The following NTRK3 variants were observed in gnomAD, a reference collection of about 807,000 sequenced individuals.
NTRK3 encodes neurotrophic receptor tyrosine kinase 3.
Under a neutral mutation model 91.7 loss-of-function variants are expected in NTRK3, and 24 were observed. The ratio of observed to expected loss-of-function variants is 0.26; its 90% confidence interval spans 0.19 to 0.37. The LOEUF is 0.37. NTRK3 is among the 10% of genes least tolerant of loss of function. NTRK3 has a pLI of 1.00. For missense variants in NTRK3, 880 were observed against 1,068.9 expected, an observed-to-expected ratio of 0.82 and a Z score of 2.46; for synonymous variants, 483 against 404.0, an observed-to-expected ratio of 1.20 and a Z score of -2.34.
At chr15:87,977,911 C>T (rs1181686433) in intron 14 of NTRK3, 1 of 232,594 alleles carries the variant, frequency 4.3e-6, no homozygotes, top group African/African-American at 2.2e-5. Flanking sequence ...AAGGCATAGA[C>T]TCTATTCTCT....
chr15:88,046,230 C>G (rs181569391), intron 13 of NTRK3, among the ~76,000 whole-genome samples: 41 of 152,236 alleles, frequency 2.7e-4, no homozygotes, highest in African/African-American at 9.6e-4. Flanking sequence ...GCAATATGTA[C>G]CCTCTAGAAT....
chr15:88,221,545 A>G (rs2050236045), intron 3 of NTRK3, among the ~76,000 whole-genome samples: 1 of 152,148 alleles, frequency 6.6e-6, no homozygotes, highest in Non-Finnish European at 1.5e-5. Context: ...TAATCCCAAC[A>G]CCTGGGAGGC....
intron 13 of NTRK3, among the ~76,000 whole-genome samples, chr15:88,122,040 T>C (rs1417549927): frequency 2.0e-5 from 3 of 152,126 alleles, no homozygotes; most frequent in African/African-American, 7.2e-5. Flanking sequence ...TGGGCACCCA[T>C]TGGAATTCCT....
At chr15:88,125,468 T>G (rs780841948) in intron 13 of NTRK3, among the ~76,000 whole-genome samples, 8 of 152,042 alleles carry the variant, frequency 5.3e-5, no homozygotes, top group Admixed American at 4.6e-4. Context: ...CCTCGTATCA[T>G]GCCTCCCTAC....
chr15:87,882,429 C>T (rs577912756), intron 17 of NTRK3, among the ~76,000 whole-genome samples: 1 of 152,000 alleles, frequency 6.6e-6, no homozygotes, highest in East Asian at 1.9e-4. Flanking sequence ...AAATAAGCCA[C>T]AAAAATGCAA....
chr15:88,025,845 C>T lies in NTRK3; in HGVS notation c.1585+7012G>A, dbSNP rs139052733. Among the ~76,000 whole-genome samples the T allele has an allele frequency of 2.2e-4, 33 of 152,320 alleles. 1 individual carries two copies. The East Asian group carries it at 6.2e-3, about 28-fold the overall frequency. ...TGTAATACAGCCATACAATGAAGTA[C>T]TGCTCAGTGATAAAAATAAATGAGA... On this transcript the variant is annotated intron_variant, in intron 14 of 18. Coordinates refer to ENST00000394480, the Ensembl canonical transcript of NTRK3.
chr15:87,912,931 AATATATATATATATATATAT>A (rs58367924), intron 17 of NTRK3, among the ~76,000 whole-genome samples: 14 of 36,496 alleles, frequency 3.8e-4, no homozygotes, highest in African/African-American at 1.2e-3. Context: ...AGTAAAAAAA[AATATATATATATATATATAT>A]ATATATATAT....
rs1465996292 is a variant in NTRK3 at position 88,241,698 on chromosome 15, G to T, written c.248+14208C>A. 6.6e-6 allele frequency among the ~76,000 whole-genome samples: 1 copy of T among 152,106 alleles called. No homozygotes were observed. The highest frequency in any genetic ancestry group is 2.4e-5 in the African/African-American group (1 of 41,408). ...TGGAGCTACTCTCTTCATCTGACCT[G>T]CACCTCGCCTCACCCAGGCTCACCT... On this transcript the variant is annotated intron_variant, in intron 3 of 18. Coordinates refer to ENST00000394480, the Ensembl canonical transcript of NTRK3. This position sits in a 1 kb window ranked among gnomAD's most constrained non-coding sequence, Gnocchi z 4.3.
chr15:87,990,842 G>C (rs2075230874), intron 14 of NTRK3, among the ~76,000 whole-genome samples: 1 of 152,090 alleles, frequency 6.6e-6, no homozygotes, highest in East Asian at 1.9e-4. Context: ...AAATGATGGA[G>C]CAATGTCCCC....
intron 3 of NTRK3, among the ~76,000 whole-genome samples, chr15:88,247,657 T>C (rs1486176435): frequency 1.3e-5 from 2 of 152,106 alleles, no homozygotes; most frequent in Non-Finnish European, 2.9e-5. Context: ...CTCTCAGAAG[T>C]GCGAGGCCAG....
At chr15:88,140,169 C>T (rs949551166) in intron 6 of NTRK3, among the ~76,000 whole-genome samples, 1 of 152,066 alleles carries the variant, frequency 6.6e-6, no homozygotes, top group Non-Finnish European at 1.5e-5. Flanking sequence ...AACTGGAGAA[C>T]AATGTGAACA....
intron 3 of NTRK3, among the ~76,000 whole-genome samples, chr15:88,223,389 C>T (rs964791114): frequency 6.6e-6 from 1 of 152,198 alleles, no homozygotes; most frequent in African/African-American, 2.4e-5. Context: ...CCTCTCTGCC[C>T]ACACGCTCAG....
intron 14 of NTRK3, among the ~76,000 whole-genome samples, chr15:87,983,702 C>T (rs1023560371): frequency 3.9e-5 from 6 of 152,146 alleles, no homozygotes; most frequent in Non-Finnish European, 7.3e-5. Context: ...TTGCAACTAA[C>T]CACTTTGCAA....
intron 13 of NTRK3, among the ~76,000 whole-genome samples, chr15:88,113,892 T>G (rs1354745889): frequency 6.6e-6 from 1 of 152,226 alleles, no homozygotes; most frequent in Admixed American, 6.5e-5. Context: ...TTTCTCAAAC[T>G]TTAATGGCAG....
At chr15:87,924,569 C>T (rs1375848826) in intron 17 of NTRK3, among the ~76,000 whole-genome samples, 1 of 152,186 alleles carries the variant, frequency 6.6e-6, no homozygotes, top group African/African-American at 2.4e-5. Context: ...CTCAGACTAT[C>T]ACTCGTTTGC....
intron 13 of NTRK3, among the ~76,000 whole-genome samples, chr15:88,124,130 G>A (rs1000939667): frequency 2.6e-5 from 4 of 152,204 alleles, no homozygotes; most frequent in African/African-American, 9.6e-5. Context: ...TCATAAAGAT[G>A]AAAGAGATTC....
exon 10 of NTRK3, chr15:88,135,283 G>T (rs1337303639): frequency 8.7e-6 from 14 of 1,614,082 alleles, no homozygotes; most frequent in Non-Finnish European, 1.2e-5. Context: ...CTCCCGCAGA[G>T]GCTGCCCATT....
At chr15:88,225,958 T>C (rs1397547139) in intron 3 of NTRK3, among the ~76,000 whole-genome samples, 2 of 152,066 alleles carry the variant, frequency 1.3e-5, no homozygotes, top group African/African-American at 4.8e-5. Context: ...CCCCAGACCC[T>C]GGAGAGATGG....
chr15:88,144,254 T>C (rs2042666084), intron 6 of NTRK3: 1 of 152,234 alleles, frequency 6.6e-6, no homozygotes, highest in Admixed American at 6.5e-5. Context: ...GAAACTGTGC[T>C]GGTTACTCCA....
Sources: gnomAD v4.1 joint callset for allele counts (sites outside exome capture counted in the v4.1 genomes callset) on GRCh38, gnomAD v4.1.1 for gene constraint, Gnocchi (gnomAD v3.1) non-coding constraint, MANE v1.5 for transcripts, NCBI Gene and HGNC (gene_info 2026-07-23, HGNC 2026-07-21) for gene names.